Variants in ST3GAL2 observed in about 807,000 individuals in gnomAD.
The protein encoded by ST3GAL2 is CMP-N-acetylneuraminate-beta-galactosamide-alpha-2,3-sialyltransferase 2.
A neutral mutation model predicts 37.5 loss-of-function variants in ST3GAL2; 16 were observed. That is an observed-to-expected ratio of 0.43 (90% CI 0.29 to 0.65). The LOEUF (loss-of-function observed/expected upper bound fraction) is 0.65, where lower values mean the gene tolerates loss of function less well. Among genes scored for constraint, ST3GAL2 ranks in the 30% least tolerant of loss-of-function variants. The probability of loss-of-function intolerance (pLI) is 0.17; values close to 1 mark genes in which losing one functional copy is unlikely to be tolerated. For synonymous variants in ST3GAL2, 238 were observed against 202.9 expected (o/e 1.17, Z -1.47); for missense variants, 383 against 487.8 (o/e 0.79, Z 2.02).
chr16:70,381,748 C>T lies in ST3GAL2; in HGVS notation c.994G>A (p.Ala332Thr). The stretch of plus-strand genomic sequence containing the variant: ...TTGGCCAGCATGTCGATGATGTGGG[C>T]CTCGAAGTCCGCGTCGTGCACGCCA... ...KTGVHDADFE[A>T]HIIDMLAKAS... is the part of the protein sequence containing the mutation. Residue 332 changes from alanine (A) to threonine (T), a missense_variant, in exon 7 of 7, where the codon GCC becomes ACC. Ala to Thr is a moderately conservative substitution (Grantham distance 58). This residue lies in a region of ST3GAL2 where 160 missense variants were observed against 248.6 expected (regional missense o/e 0.64). Transcript: ENST00000342907. The T allele has an allele frequency of 6.2e-7, 1 of 1,614,094 alleles. No homozygotes were observed. Among genetic ancestry groups the T allele is most frequent in the Non-Finnish European group, 8.5e-7 (1 of 1,179,958 alleles).
intron 3 of ST3GAL2, among the ~76,000 whole-genome samples, chr16:70,389,849 C>A (rs1241965304): frequency 1.3e-5 from 2 of 151,964 alleles, no homozygotes; most frequent in Admixed American, 6.6e-5. Context: ...TGCAGTGTCA[C>A]AATCTCGGCT....
chr16:70,413,694 C>A (rs1274679610), intron 1 of ST3GAL2, among the ~76,000 whole-genome samples: 2 of 151,086 alleles, frequency 1.3e-5, no homozygotes, highest in African/African-American at 2.4e-5. Context: ...AGAGATCATG[C>A]CATTGCACTC....
chr16:70,427,685 A>G (rs1597576681), intron 1 of ST3GAL2, among the ~76,000 whole-genome samples: 1 of 152,096 alleles, frequency 6.6e-6, no homozygotes, highest in African/African-American at 2.4e-5. Flanking sequence ...AGGAACCCCC[A>G]TCCATCTAAG....
intron 1 of ST3GAL2, among the ~76,000 whole-genome samples, chr16:70,427,559 G>C (rs1393868677): frequency 2.0e-5 from 3 of 151,396 alleles, no homozygotes; most frequent in South Asian, 4.2e-4. Flanking sequence ...GGATGGTCTC[G>C]ATCTCCTGAC....
intron 1 of ST3GAL2, among the ~76,000 whole-genome samples, chr16:70,414,680 T>G (rs1051677346): frequency 6.6e-5 from 10 of 151,884 alleles, no homozygotes; most frequent in Admixed American, 3.9e-4. Flanking sequence ...AGATTCTGTT[T>G]GTTTATTTTT....
At chr16:70,392,519 G>A (rs545916784) in intron 3 of ST3GAL2, among the ~76,000 whole-genome samples, 15 of 152,326 alleles carry the variant, frequency 9.8e-5, no homozygotes, top group Admixed American at 8.5e-4. Context: ...TATCTGCGGC[G>A]TGCCTACTGT....
intron 1 of ST3GAL2, among the ~76,000 whole-genome samples, chr16:70,424,241 T>G (rs1343954610): frequency 7.0e-6 from 1 of 142,142 alleles, no homozygotes; most frequent in Non-Finnish European, 1.5e-5. Flanking sequence ...GTGATCCACC[T>G]GCCTCGGCCT....
chr16:70,408,924 A>AAG (rs2047614997), intron 1 of ST3GAL2, among the ~76,000 whole-genome samples: 6 of 135,360 alleles, frequency 4.4e-5, no homozygotes, highest in Non-Finnish European at 1.6e-5. Flanking sequence ...AAAAAAAAAA[A>AAG]AAAGAAAGAA....
intron 6 of ST3GAL2, among the ~76,000 whole-genome samples, chr16:70,382,401 G>A (rs913888775): frequency 8.6e-5 from 13 of 152,004 alleles, no homozygotes; most frequent in Admixed American, 1.3e-4. Context: ...TCCTGACTCA[G>A]CCTCCCGAGT....
At chr16:70,432,698 C>T (rs925918609) in intron 1 of ST3GAL2, among the ~76,000 whole-genome samples, 1 of 152,156 alleles carries the variant, frequency 6.6e-6, no homozygotes, top group African/African-American at 2.4e-5. Context: ...GAGATGTCTA[C>T]CCTAATAGCT....
chr16:70,426,181 CTTTT>C (rs56342720), intron 1 of ST3GAL2, among the ~76,000 whole-genome samples: 1 of 99,512 alleles, frequency 1.0e-5, no homozygotes, highest in African/African-American at 3.8e-5. Flanking sequence ...GGGCCAAAGC[CTTTT>C]TTTTTTTTTT....
intron 6 of ST3GAL2, among the ~76,000 whole-genome samples, 200 bp downstream of exon 6, chr16:70,382,605 T>G (rs2047413835): frequency 6.6e-6 from 1 of 152,122 alleles, no homozygotes; most frequent in Non-Finnish European, 1.5e-5. Context: ...AATGAAGAGA[T>G]TTTGGATTTG....
intron 4 of ST3GAL2, among the ~76,000 whole-genome samples, chr16:70,387,276 C>T (rs1252059326): frequency 2.6e-5 from 4 of 151,222 alleles, no homozygotes; most frequent in Middle Eastern, 3.5e-3. Context: ...AATTGTGGGC[C>T]GGATGTGGTG....
intron 3 of ST3GAL2, among the ~76,000 whole-genome samples, chr16:70,392,126 G>A (rs779673314): frequency 2.0e-5 from 3 of 152,240 alleles, no homozygotes; most frequent in Non-Finnish European, 4.4e-5. Context: ...TGGCCATGCT[G>A]CAGAGCCTGG....
chr16:70,436,458 G>GAAAAAAAAAAAAAAAAAAAAAA (rs58205790), intron 1 of ST3GAL2, among the ~76,000 whole-genome samples: 1 of 112,368 alleles, frequency 8.9e-6, no homozygotes. Flanking sequence ...CTCAAAAAAA[G>GAAAAAAAAAAAAAAAAAAAAAA]AAAAAAAAAA....
rs535417240 is a variant in ST3GAL2 at position 70,380,108 on chromosome 16, G to A, written c.*1581C>T. ...CTAGCTCTCTAAAACGGTGGGGGAG[G>A]GGGGAGCGCCCTGAGAGAGGCATTC... is the stretch of plus-strand genomic sequence containing the variant. On this transcript the variant is annotated 3_prime_UTR_variant, in exon 7 of 7. Coordinates refer to ENST00000342907, the MANE Select transcript of ST3GAL2 (RefSeq NM_006927.4). 1 of 152,144 alleles carries A rather than the reference G, an allele frequency of 6.6e-6. No individual in the cohort carries two copies. The highest frequency in any genetic ancestry group is 1.5e-5 in the Non-Finnish European group (1 of 68,140). The allele number at this position is 152,144 out of a possible 1,614,324, so 9.4% of individuals were successfully genotyped here. A position where few individuals can be genotyped will look rare whatever the true frequency, so the allele number is the denominator to read the frequency against.
chr16:70,436,528 C>A (rs902546320), intron 1 of ST3GAL2, among the ~76,000 whole-genome samples: 2 of 151,634 alleles, frequency 1.3e-5, no homozygotes, highest in Non-Finnish European at 2.9e-5. Flanking sequence ...GACCCCAAAC[C>A]AGTGGTTCTC....
At chr16:70,423,627 A>C (rs1163293932) in intron 1 of ST3GAL2, among the ~76,000 whole-genome samples, 1 of 151,740 alleles carries the variant, frequency 6.6e-6, no homozygotes, top group Non-Finnish European at 1.5e-5. Flanking sequence ...ATCTTGGGCA[A>C]ATTTCTCAAC....
intron 1 of ST3GAL2, among the ~76,000 whole-genome samples, chr16:70,411,980 G>A (rs964182036): frequency 1.3e-5 from 2 of 150,430 alleles, no homozygotes; most frequent in Non-Finnish European, 3.0e-5. Flanking sequence ...GGCAACAAGA[G>A]CGAAACTCCG....
Sources: allele counts gnomAD v4.1 joint callset (sites outside exome capture counted in the v4.1 genomes callset), GRCh38; gene constraint gnomAD v4.1.1; regional missense constraint gnomAD v4.1.1; transcripts MANE v1.5; gene names NCBI Gene and HGNC (gene_info 2026-07-23, HGNC 2026-07-21).